FOXO3: variants seen among roughly 807,000 people sequenced by gnomAD.
FOXO3 encodes forkhead box O3.
FOXO3 carries 4 observed loss-of-function variants against 41.9 expected under a neutral mutation model. That is an observed-to-expected ratio of 0.10 (90% CI 0.05 to 0.22). The LOEUF is 0.22. Among genes scored for constraint, FOXO3 ranks in the 10% least tolerant of loss-of-function variants. The pLI is 1.00. For synonymous variants in FOXO3, 318 were observed against 389.3 expected (o/e 0.82, Z 2.16); for missense variants, 534 against 906.8 (o/e 0.59, Z 5.28).
At chr6:108,640,168 A>G (rs1778219224) in intron 1 of FOXO3, among the ~76,000 whole-genome samples, 1 of 152,202 alleles carries the variant, frequency 6.6e-6, no homozygotes, top group Non-Finnish European at 1.5e-5. Context: ...AGGAAGAGGA[A>G]GGAGGGGCAG....
intron 1 of FOXO3, among the ~76,000 whole-genome samples, chr6:108,659,524 T>G (rs1191751216): frequency 6.6e-6 from 1 of 152,186 alleles, no homozygotes; most frequent in Non-Finnish European, 1.5e-5. Context: ...TGAGTCTTCT[T>G]ATATAAAATT....
Position 108,661,196 on chromosome 6 carries a change from C to G in FOXO3, c.622-2259C>G, listed in dbSNP as rs973832454. ...GGCGGAGGTTGCAGTGAGCCGAGAT[C>G]AAGCCATTGCACTCCAGCCTGGGTG... On this transcript the variant is annotated intron_variant, in intron 1 of 2. Coordinates refer to ENST00000406360, the MANE Select transcript of FOXO3 (RefSeq NM_001455.4). Among the ~76,000 whole-genome samples, 19 of 152,160 alleles carry G rather than the reference C, an allele frequency of 1.2e-4. 1 individual carries two copies. In the South Asian group the frequency reaches 3.7e-3, roughly 30 times the overall value.
chr6:108,610,784 T>C (rs1212312501), intron 1 of FOXO3, among the ~76,000 whole-genome samples: 3 of 152,236 alleles, frequency 2.0e-5, no homozygotes, highest in Non-Finnish European at 4.4e-5. Context: ...TTGGATAATT[T>C]TACAGTGACA....
intron 1 of FOXO3, among the ~76,000 whole-genome samples, chr6:108,563,815 A>C (rs1164869792): frequency 1.3e-5 from 2 of 152,180 alleles, no homozygotes; most frequent in Non-Finnish European, 2.9e-5. Flanking sequence ...GAAGATTTAC[A>C]TGAGATAATG....
chr6:108,580,154 T>G (rs1282581610), intron 1 of FOXO3, among the ~76,000 whole-genome samples: 2 of 151,946 alleles, frequency 1.3e-5, no homozygotes, highest in Non-Finnish European at 2.9e-5. Flanking sequence ...CCAGACACTG[T>G]TGAGCTTTAT....
intron 1 of FOXO3, among the ~76,000 whole-genome samples, chr6:108,562,802 C>T (rs1213806251): frequency 2.0e-5 from 3 of 152,186 alleles, no homozygotes; most frequent in Admixed American, 1.3e-4. Flanking sequence ...TAATGACTTC[C>T]TGCAGTTGGG....
chr6:108,675,140 A>G (rs989476969), intron 2 of FOXO3, among the ~76,000 whole-genome samples: 3 of 152,170 alleles, frequency 2.0e-5, no homozygotes, highest in Non-Finnish European at 4.4e-5. Flanking sequence ...TAGATCAGAT[A>G]GTTTAAGATA....
chr6:108,667,336 G>A (rs1187401717), intron 2 of FOXO3, among the ~76,000 whole-genome samples: 1 of 152,158 alleles, frequency 6.6e-6, no homozygotes, highest in African/African-American at 2.4e-5. Flanking sequence ...AGAAGAATAT[G>A]GAAGATTTGT....
At chr6:108,648,199 A>G (rs1300059195) in intron 1 of FOXO3, among the ~76,000 whole-genome samples, 6 of 152,218 alleles carry the variant, frequency 3.9e-5, no homozygotes, top group Non-Finnish European at 7.4e-5. Context: ...ACCCTGCAGA[A>G]ACTCAGTACT....
At chr6:108,662,007 A>C (rs576142831) in intron 1 of FOXO3, among the ~76,000 whole-genome samples, 111 of 152,322 alleles carry the variant, frequency 7.3e-4, no homozygotes, top group African/African-American at 2.5e-3. Flanking sequence ...TGGATATATT[A>C]TTATTAACTT....
chr6:108,662,873 CA>C lies in FOXO3; in HGVS notation c.622-581del, dbSNP rs1778909280. 3.3e-5 allele frequency among the ~76,000 whole-genome samples: 5 copies of C among 152,130 alleles called. No homozygotes were observed. In the South Asian group the frequency reaches 1.0e-3, roughly 32 times the overall value. ...CCTTTCAATATGGGCAATATAATTA[CA>C]GAAAGGCCAGGAATTTGAGGAAAAC... is the stretch of plus-strand genomic sequence containing the variant. On this transcript the variant is annotated intron_variant, in intron 1 of 2. Transcript: ENST00000406360.
intron 2 of FOXO3, among the ~76,000 whole-genome samples, chr6:108,674,717 G>T (rs1770515343): frequency 6.6e-6 from 1 of 152,198 alleles, no homozygotes; most frequent in South Asian, 2.1e-4. Flanking sequence ...CAAGCGGAGG[G>T]TTTGTTCCCA....
intron 1 of FOXO3, 46 bp downstream of exon 1, chr6:108,561,875 G>C (rs1209255474): frequency 6.7e-7 from 1 of 1,497,848 alleles, no homozygotes; most frequent in Admixed American, 2.3e-5. Context: ...CGGGCCTCCT[G>C]CGCAGCGCGA....
chr6:108,585,022 CTTTTTTT>C (rs1159028928), intron 1 of FOXO3, among the ~76,000 whole-genome samples: 138 of 51,504 alleles, frequency 2.7e-3, no homozygotes, highest in African/African-American at 4.9e-3. Flanking sequence ...TCTCCAAAAT[CTTTTTTT>C]TTTTTTTTTT....
rs1055203222 is a variant in FOXO3 at position 108,681,206 on chromosome 6, A to G, written c.*1414A>G. The G allele has an allele frequency of 2.0e-5, 3 of 152,668 alleles. No homozygotes were observed. The highest frequency in any genetic ancestry group is 4.4e-5 in the Non-Finnish European group (3 of 68,042). The allele number at this position is 152,668 out of a possible 1,614,324, so 9.5% of individuals were successfully genotyped here. On this transcript the variant is annotated 3_prime_UTR_variant, in exon 3 of 3. Coordinates refer to ENST00000406360, the MANE Select transcript of FOXO3 (RefSeq NM_001455.4). The stretch of plus-strand genomic sequence containing the variant: ...TGGGACCACCTTTGGTACATAAGAA[A>G]TTGGTATAACGATGCTCTGATTAGC...
At chr6:108,637,098 C>T (rs951856865) in intron 1 of FOXO3, among the ~76,000 whole-genome samples, 1 of 152,120 alleles carries the variant, frequency 6.6e-6, no homozygotes, top group Admixed American at 6.5e-5. Context: ...TTTATATCTT[C>T]CCTTAATGAG....
intron 1 of FOXO3, among the ~76,000 whole-genome samples, chr6:108,613,998 T>C (rs1292492990): frequency 6.6e-6 from 1 of 152,196 alleles, no homozygotes; most frequent in Non-Finnish European, 1.5e-5. Flanking sequence ...AATTTTTAAA[T>C]TTCCAAGTAT....
intron 1 of FOXO3, among the ~76,000 whole-genome samples, chr6:108,615,973 ATAGAG>A (rs1777493726): frequency 6.6e-6 from 1 of 150,574 alleles, no homozygotes; most frequent in African/African-American, 2.4e-5. Flanking sequence ...TTCTTACTAC[ATAGAG>A]TATATTTATA....
At chr6:108,641,997 G>A (rs1231724561) in intron 1 of FOXO3, among the ~76,000 whole-genome samples, 2 of 151,920 alleles carry the variant, frequency 1.3e-5, no homozygotes, top group African/African-American at 4.8e-5. Flanking sequence ...GAATGCATGA[G>A]ACTTGAAGCA....
Sources: allele counts gnomAD v4.1 joint callset (sites outside exome capture counted in the v4.1 genomes callset), GRCh38; gene constraint gnomAD v4.1.1; transcripts MANE v1.5; gene names NCBI Gene and HGNC (gene_info 2026-07-23, HGNC 2026-07-21).